DOLPP1: variants seen among roughly 807,000 people sequenced by gnomAD.
DOLPP1 encodes the protein dolichyldiphosphatase 1, also known as dolichyl pyrophosphate phosphatase 1.
Under a neutral mutation model 34.1 loss-of-function variants are expected in DOLPP1, and 15 were observed. That is an observed-to-expected ratio of 0.44 (90% CI 0.29 to 0.68). The LOEUF is 0.68. DOLPP1 is among the 30% of genes least tolerant of loss of function. The pLI, the probability that DOLPP1 is intolerant of heterozygous loss-of-function variation, is 0.12. For missense variants in DOLPP1, 249 were observed against 307.1 expected (o/e 0.81, Z 1.41); for synonymous variants, 130 against 128.2 (o/e 1.01, Z -0.10).
intron 1 of DOLPP1, among the ~76,000 whole-genome samples, chr9:129,084,190 CA>C (rs891260112): frequency 2.0e-5 from 3 of 152,234 alleles, no homozygotes; most frequent in Admixed American, 6.5e-5. Context: ...AGCCCCAGCA[CA>C]ACAGTGTGTG....
In DOLPP1 at chr9:129,090,333, T is replaced by C. The variant is rs1847073647; in HGVS notation, c.*1326T>C. ...CCATGTTTCCCTCCCGTTATTTTTATTTTTTACTTTTTGCCTGAGACAAGC... is the reference window on the plus strand; with the variant it reads ...CCATGTTTCCCTCCCGTTATTTTTACTTTTTACTTTTTGCCTGAGACAAGC... On this transcript the variant is annotated 3_prime_UTR_variant, in exon 8 of 8. Transcript: ENST00000372546. 6.6e-6 allele frequency: 1 copy of C among 152,656 alleles called. No individual in the cohort carries two copies. The highest frequency in any genetic ancestry group is 6.5e-5 in the Admixed American group (1 of 15,276). 9.5% of individuals were successfully genotyped at this position (152,656 alleles called of 1,614,324 possible).
At chr9:129,087,476 C>A (rs986733044) in intron 7 of DOLPP1, among the ~76,000 whole-genome samples, 3 of 152,110 alleles carry the variant, frequency 2.0e-5, no homozygotes, top group Admixed American at 1.3e-4. Context: ...CCACCACGCC[C>A]GGCTAATTTT....
chr9:129,086,313 C>T, intron 6 of DOLPP1, 46 bp downstream of exon 6: 1 of 1,607,346 alleles, frequency 6.2e-7, no homozygotes. Context: ...CTGTCCCCTC[C>T]TGTGGGTGGG....
chr9:129,086,343 A>T, intron 6 of DOLPP1, 76 bp downstream of exon 6: 2 of 1,555,316 alleles, frequency 1.3e-6, no homozygotes, highest in Non-Finnish European at 8.7e-7. Flanking sequence ...GGGCGGACCT[A>T]GGAGTCTTGA....
At chr9:129,083,533 CG>C (rs1156666386) in intron 1 of DOLPP1, among the ~76,000 whole-genome samples, 1 of 152,144 alleles carries the variant, frequency 6.6e-6, no homozygotes, top group Non-Finnish European at 1.5e-5. Flanking sequence ...TGGATGAGAC[CG>C]GGCATGTGTG....
chr9:129,085,740 G>A lies in DOLPP1; in HGVS notation c.461+124G>A. On this transcript the variant is annotated intron_variant, in intron 5 of 7. Transcript: ENST00000372546. This position sits in a 1 kb window ranked among gnomAD's most constrained non-coding sequence, Gnocchi z 7.0. Reference sequence around the variant, plus strand: ...CCTGTAGTGCAGGACTGGAAAAGGGGTCCCAGACCTCTAGTTTTAAAAGGA... The same window carrying A: ...CCTGTAGTGCAGGACTGGAAAAGGGATCCCAGACCTCTAGTTTTAAAAGGA... 1.4e-6 allele frequency: 1 copy of A among 730,684 alleles called. No individual in the cohort carries two copies. The highest frequency in any genetic ancestry group is 2.2e-6 in the Non-Finnish European group (1 of 454,994). 45.3% of individuals were successfully genotyped at this position (730,684 alleles called of 1,614,324 possible).
intron 1 of DOLPP1, 45 bp downstream of exon 1, chr9:129,081,252 C>A: frequency 6.3e-7 from 1 of 1,599,398 alleles, no homozygotes; most frequent in Non-Finnish European, 8.5e-7. Flanking sequence ...CAGGGACGGC[C>A]TCTCAGTCCC....
At chr9:129,083,272 G>A (rs1192706094) in intron 1 of DOLPP1, among the ~76,000 whole-genome samples, 1 of 152,156 alleles carries the variant, frequency 6.6e-6, no homozygotes, top group Non-Finnish European at 1.5e-5. Context: ...GCTGGCTCTG[G>A]GACAGGCTAT....
Position 129,084,783 on chromosome 9 carries a change from C to G in DOLPP1, c.177+15C>G. ...AGCTGCACACGGTGAGTCTGTCTTG[C>G]CCACACCCTCCCCACCCCACCCCCA... is the stretch of plus-strand genomic sequence containing the variant. On this transcript the variant is annotated intron_variant, in intron 2 of 7. Transcript: ENST00000372546. 1 of 1,571,664 alleles carries G rather than the reference C, an allele frequency of 6.4e-7. No individual in the cohort carries two copies. Among genetic ancestry groups the G allele is most frequent in the Non-Finnish European group, 8.7e-7 (1 of 1,142,960 alleles).
chr9:129,082,294 T>C (rs1846905533), intron 1 of DOLPP1, among the ~76,000 whole-genome samples: 1 of 152,186 alleles, frequency 6.6e-6, no homozygotes, highest in South Asian at 2.1e-4. Context: ...CTGGGGGTGG[T>C]ATGGCCCTGC....
At chr9:129,081,312 G>A (rs1846882978) in intron 1 of DOLPP1, 105 bp downstream of exon 1, 2 of 1,429,368 alleles carry the variant, frequency 1.4e-6, no homozygotes, top group Non-Finnish European at 1.9e-6. Flanking sequence ...GGGGACCGGG[G>A]TGGGAACTGT....
rs1847061788 is a variant in DOLPP1 at position 129,089,743 on chromosome 9, A to C, written c.*736A>C. 1 of 152,740 alleles carries C rather than the reference A, an allele frequency of 6.5e-6. No individual in the cohort carries two copies. 9.5% of individuals were successfully genotyped at this position (152,740 alleles called of 1,614,324 possible). A position where few individuals can be genotyped will look rare whatever the true frequency, so the allele number is the denominator to read the frequency against. On this transcript the variant is annotated 3_prime_UTR_variant, in exon 8 of 8. Coordinates refer to ENST00000372546, the MANE Select transcript of DOLPP1 (RefSeq NM_020438.5). The surrounding 1 kb of genome is among the most constrained non-coding windows in gnomAD (Gnocchi z 4.9). ...TAAGACAATAATCGCTTTCTGACAA[A>C]GGAGCCTGCACATTTGGGTGAGCAG... is the stretch of plus-strand genomic sequence containing the variant.
intron 1 of DOLPP1, among the ~76,000 whole-genome samples, chr9:129,083,153 G>A (rs1168022849): frequency 6.6e-6 from 1 of 152,222 alleles, no homozygotes; most frequent in Non-Finnish European, 1.5e-5. Context: ...GATGAGCTGG[G>A]CTGAGGGGGA....
chr9:129,084,745 A>G lies in DOLPP1; in HGVS notation c.154A>G (p.Ile52Val). Residue 52 changes from isoleucine (I) to valine (V), a missense_variant, in exon 2 of 8, where the codon ATA (isoleucine) becomes GTA (valine). Transcript: ENST00000372546. ...FVIVGFVTLI[I>V]FKRELHTISF... is the part of the protein sequence containing the mutation. Reference sequence around the variant, plus strand: ...CATCGTCGGTTTCGTGACCCTCATCATATTTAAGCGGGAGCTGCACACGGT... The same window carrying G: ...CATCGTCGGTTTCGTGACCCTCATCGTATTTAAGCGGGAGCTGCACACGGT... 1.2e-6 allele frequency: 2 copies of G among 1,613,376 alleles called. No individual in the cohort carries two copies. The highest frequency in any genetic ancestry group is 1.7e-6 in the Non-Finnish European group (2 of 1,179,418).
At chr9:129,081,995 T>C (rs755883693) in intron 1 of DOLPP1, among the ~76,000 whole-genome samples, 5 of 152,216 alleles carry the variant, frequency 3.3e-5, no homozygotes, top group Non-Finnish European at 5.9e-5. Context: ...GCTTACCTTC[T>C]GGTGATGGTA....
At position 129,088,987 on chromosome 9, in the gene DOLPP1, C is replaced by T. The variant is rs866596121; in HGVS notation, c.697C>T (p.Leu233=). The change falls in exon 8 of 8, where the codon CTG becomes TTG. Residue 233 remains leucine (L), a synonymous_variant. Coordinates refer to ENST00000372546, the MANE Select transcript of DOLPP1 (RefSeq NM_020438.5). ...RAEARNRQRK[L]GTKLQ ...GTTTTGCAGGAACAGACAACGCAAG[C>T]TGGGGACGAAACTGCAGTGACCAGT... 4 of 1,613,920 alleles carry T rather than the reference C, an allele frequency of 2.5e-6. No homozygotes were observed. Among genetic ancestry groups the T allele is most frequent in the Middle Eastern group, 3.3e-4 (2 of 6,062 alleles).
chr9:129,083,065 G>A (rs144902306), intron 1 of DOLPP1, among the ~76,000 whole-genome samples: 11 of 152,314 alleles, frequency 7.2e-5, no homozygotes, highest in African/African-American at 1.2e-4. Flanking sequence ...GGCACGATGC[G>A]CTCAGGGAAC....
chr9:129,084,369 TG>T (rs1846944176), intron 1 of DOLPP1, among the ~76,000 whole-genome samples: 2 of 152,376 alleles, frequency 1.3e-5, no homozygotes, highest in South Asian at 4.1e-4. Flanking sequence ...TGTGTGACCT[TG>T]GGCGAGTCAC....
rs374438537 is a variant in DOLPP1 at position 129,086,430 on chromosome 9, C to T, written c.590+163C>T. ...GAGACACAGGGGGTTTCCTCAGGCC[C>T]GGAAGCCAGAGTGCCATCCTCTGTC... On this transcript the variant is annotated intron_variant, in intron 6 of 7. Transcript: ENST00000372546. 5.3e-5 allele frequency among the ~76,000 whole-genome samples: 8 copies of T among 152,310 alleles called. No homozygotes were observed. The East Asian group carries it at 5.8e-4, about 11-fold the overall frequency.
Sources: allele counts gnomAD v4.1 joint callset (sites outside exome capture counted in the v4.1 genomes callset), GRCh38; gene constraint gnomAD v4.1.1; non-coding constraint Gnocchi (gnomAD v3.1); transcripts MANE v1.5; gene names NCBI Gene and HGNC (gene_info 2026-07-23, HGNC 2026-07-21).